EDA: variants seen among roughly 807,000 people sequenced by gnomAD.
EDA encodes ectodysplasin-A.
In EDA, 2 loss-of-function variants were observed where a neutral mutation model predicts 23.6. That is an observed-to-expected ratio of 0.08 (90% CI 0.03 to 0.27). The LOEUF (loss-of-function observed/expected upper bound fraction) is 0.27. Among genes scored for constraint, EDA ranks in the 10% least tolerant of loss-of-function variants. The probability of loss-of-function intolerance (pLI) is 1.00; values close to 1 mark genes in which losing one functional copy is unlikely to be tolerated. For synonymous variants in EDA, 131 were observed against 132.0 expected, an observed-to-expected ratio of 0.99 and a Z score of 0.05; for missense variants, 229 against 324.2, an observed-to-expected ratio of 0.71 and a Z score of 2.26.
chrX:70,030,152 A>G (rs1311137550), intron 5 of EDA, among the ~76,000 whole-genome samples: 2 of 112,045 alleles, frequency 1.8e-5, no homozygotes, highest in Admixed American at 1.9e-4. Flanking sequence ...GGGCAATTTT[A>G]TATCCATCAC....
chrX:70,015,776 G>A (rs1320368123), intron 2 of EDA, among the ~76,000 whole-genome samples: 11 of 111,379 alleles, frequency 9.9e-5, no homozygotes, highest in Non-Finnish European at 1.9e-4. Context: ...GCACAATTAG[G>A]TACATAGACC....
At chrX:69,723,876 C>T (rs1468923719) in intron 1 of EDA, among the ~76,000 whole-genome samples, 2 of 111,348 alleles carry the variant, frequency 1.8e-5, no homozygotes, top group Non-Finnish European at 3.8e-5. Flanking sequence ...TCCACCCCCT[C>T]CTCTGGGAAG....
At chrX:69,664,370 C>T (rs1933610550) in intron 1 of EDA, among the ~76,000 whole-genome samples, 1 of 111,493 alleles carries the variant, frequency 9.0e-6, no homozygotes, top group Non-Finnish European at 1.9e-5. Flanking sequence ...GGGGAGATCC[C>T]CTGCACATGC....
intron 1 of EDA, among the ~76,000 whole-genome samples, chrX:69,759,180 C>G (rs924818679): frequency 3.6e-5 from 4 of 112,195 alleles, no homozygotes; most frequent in African/African-American, 1.3e-4. Flanking sequence ...AGCATTGTAA[C>G]TAATGATAGC....
At chrX:69,713,106 A>G (rs2012147596) in intron 1 of EDA, among the ~76,000 whole-genome samples, 1 of 109,442 alleles carries the variant, frequency 9.1e-6, no homozygotes, top group Non-Finnish European at 1.9e-5. Context: ...AGATATACCT[A>G]ATGTTAAATG....
At position 69,718,867 on chromosome X, in the gene EDA, A is replaced by T. The variant is rs191280995; in HGVS notation, c.396+102163A>T. Among the ~76,000 whole-genome samples, 105 of 111,958 alleles carry T rather than the reference A, an allele frequency of 9.4e-4. 2 individuals carry two copies. The East Asian group carries it at 0.021, about 22-fold the overall frequency. On this transcript the variant is annotated intron_variant, in intron 1 of 7. Transcript: ENST00000374552. Reference sequence around the variant, plus strand: ...CCTATTTTTCTGGAAGAAATTTGTTAAAGTTTATGTTAATTCCTCTTTAAT... The same window carrying T: ...CCTATTTTTCTGGAAGAAATTTGTTTAAGTTTATGTTAATTCCTCTTTAAT...
At chrX:69,658,331 C>T (rs1205695301) in intron 1 of EDA, among the ~76,000 whole-genome samples, 1 of 107,883 alleles carries the variant, frequency 9.3e-6, no homozygotes, top group Non-Finnish European at 1.9e-5. Flanking sequence ...GATCTTTGTG[C>T]ATTGATTTTG....
chrX:69,695,467 TC>T (rs1188642591), intron 1 of EDA, among the ~76,000 whole-genome samples: 2 of 109,022 alleles, frequency 1.8e-5, no homozygotes, highest in African/African-American at 6.7e-5. Flanking sequence ...TGTAGAAAAA[TC>T]CTTGGCTGTT....
At chrX:69,937,526 A>G (rs1274750316) in intron 1 of EDA, 2 of 965,174 alleles carry the variant, frequency 2.1e-6, no homozygotes, top group African/African-American at 1.9e-5. Flanking sequence ...TTTTGATTAA[A>G]TAGCCAAAGT....
intron 2 of EDA, among the ~76,000 whole-genome samples, chrX:69,983,978 G>T (rs1297789591): frequency 9.8e-6 from 1 of 101,931 alleles, no homozygotes; most frequent in East Asian, 3.1e-4. Flanking sequence ...ACTCAAAGCC[G>T]CTCCACTACA....
At chrX:69,906,808 A>G (rs1444006936) in intron 1 of EDA, among the ~76,000 whole-genome samples, 1 of 112,307 alleles carries the variant, frequency 8.9e-6, no homozygotes, top group Non-Finnish European at 1.9e-5. Flanking sequence ...GTTCTACAGT[A>G]TTTATGTAAA....
chrX:69,624,974 C>A (rs910596178), intron 1 of EDA, among the ~76,000 whole-genome samples: 1 of 111,012 alleles, frequency 9.0e-6, no homozygotes, highest in African/African-American at 3.3e-5. Context: ...CCCCAATTTT[C>A]TTGTGTTTTT....
intron 1 of EDA, among the ~76,000 whole-genome samples, chrX:69,921,619 A>G (rs949894992): frequency 4.5e-5 from 5 of 110,821 alleles, no homozygotes; most frequent in Non-Finnish European, 3.8e-5. Flanking sequence ...TTTATCAAAT[A>G]TAGTAGATGC....
intron 1 of EDA, among the ~76,000 whole-genome samples, chrX:69,851,436 A>G (rs2017130905): frequency 8.9e-6 from 1 of 112,592 alleles, no homozygotes; most frequent in African/African-American, 3.2e-5. Flanking sequence ...ATAAAAGCCA[A>G]TTTAATCACA....
In EDA at chrX:69,726,036, A is replaced by T. The variant is rs1234412922; in HGVS notation, c.396+109332A>T. On this transcript the variant is annotated intron_variant, in intron 1 of 7. Transcript: ENST00000374552. ...TGAGCAGGGGTTTCAGCGGTCTCAC[A>T]GGGCTGTAGAGATAAAAAGTGAAGT... Among the ~76,000 whole-genome samples the T allele has an allele frequency of 4.5e-5, 5 of 112,061 alleles. No individual in the cohort carries two copies. The East Asian group carries it at 1.4e-3, about 32-fold the overall frequency.
intron 1 of EDA, among the ~76,000 whole-genome samples, chrX:69,837,428 C>T (rs1357644421): frequency 8.9e-6 from 1 of 112,127 alleles, no homozygotes; most frequent in African/African-American, 3.2e-5. Flanking sequence ...AGCTGAATTA[C>T]CTGTCACTGC....
intron 1 of EDA, among the ~76,000 whole-genome samples, chrX:69,850,224 G>A (rs181568937): frequency 5.2e-4 from 58 of 111,983 alleles, no homozygotes; most frequent in Middle Eastern, 4.7e-3. Context: ...TTGATTCCAC[G>A]CATGTAGTTG....
chrX:69,889,322 A>T (rs905775689), intron 1 of EDA, among the ~76,000 whole-genome samples: 1 of 107,751 alleles, frequency 9.3e-6, no homozygotes, highest in African/African-American at 3.4e-5. Flanking sequence ...TAATTTTTTA[A>T]ATTTTCTTGC....
intron 1 of EDA, among the ~76,000 whole-genome samples, chrX:69,915,703 C>T (rs2018332179): frequency 9.0e-6 from 1 of 111,353 alleles, no homozygotes; most frequent in South Asian, 3.8e-4. Context: ...ATGAGCAAGA[C>T]AGACATAGTC....
Sources: allele counts gnomAD v4.1 joint callset (sites outside exome capture counted in the v4.1 genomes callset), GRCh38; gene constraint gnomAD v4.1.1; transcripts MANE v1.5; gene names NCBI Gene and HGNC (gene_info 2026-07-23, HGNC 2026-07-21).